Variants in RTN4R observed in about 807,000 individuals in gnomAD.
RTN4R encodes the protein reticulon-4 receptor.
In RTN4R, 4 loss-of-function variants were observed where a neutral mutation model predicts 27.7. The ratio of observed to expected loss-of-function variants is 0.14; its 90% CI spans 0.07 to 0.33. RTN4R has a LOEUF of 0.33. Ranked by LOEUF, RTN4R falls within the 10% of genes least tolerant of loss-of-function variation. RTN4R has a pLI of 1.00. For synonymous variants in RTN4R, 290 were observed against 305.6 expected, an observed-to-expected ratio of 0.95 and a Z score of 0.53; for missense variants, 554 against 671.5, an observed-to-expected ratio of 0.83 and a Z score of 1.93.
chr22:20,266,433 A>G (rs1206056784), intron 1 of RTN4R, among the ~76,000 whole-genome samples: 33 of 152,040 alleles, frequency 2.2e-4, no homozygotes, highest in South Asian at 1.4e-3. Context: ...AGCCCACCAC[A>G]GAACCCCTCA....
intron 1 of RTN4R, among the ~76,000 whole-genome samples, chr22:20,263,804 C>T (rs1171165223): frequency 6.6e-6 from 1 of 152,282 alleles, no homozygotes; most frequent in African/African-American, 2.4e-5. Context: ...GGGTTGCCTC[C>T]ATCGGACAGG....
chr22:20,246,426 T>G (rs1219969463), intron 1 of RTN4R, among the ~76,000 whole-genome samples: 3 of 146,550 alleles, frequency 2.0e-5, no homozygotes, highest in African/African-American at 7.5e-5. Context: ...TCACGTTCAC[T>G]GCAGGAGGGA....
intron 1 of RTN4R, among the ~76,000 whole-genome samples, chr22:20,257,783 T>A (rs1349893158): frequency 6.6e-6 from 1 of 152,202 alleles, no homozygotes; most frequent in African/African-American, 2.4e-5. Flanking sequence ...ATGCTGACAC[T>A]GGGCCAGGTG....
chr22:20,248,316 G>A (rs576868102), intron 1 of RTN4R, among the ~76,000 whole-genome samples: 1 of 152,260 alleles, frequency 6.6e-6, no homozygotes, highest in Non-Finnish European at 1.5e-5. Context: ...GGCCCCAGGG[G>A]TGCGAAAAGG....
intron 1 of RTN4R, among the ~76,000 whole-genome samples, chr22:20,251,909 C>CCATCCT: frequency 5.2e-3 from 1 of 194 alleles, no homozygotes; most frequent in Non-Finnish European, 0.011. Flanking sequence ...ATCATCACCA[C>CCATCCT]TATCCTTATC....
chr22:20,261,491 T>C (rs1029934286), intron 1 of RTN4R, among the ~76,000 whole-genome samples: 1 of 152,162 alleles, frequency 6.6e-6, no homozygotes, highest in Admixed American at 6.5e-5. Flanking sequence ...TCACCACCGC[T>C]CCAGCTTCAC....
intron 1 of RTN4R, among the ~76,000 whole-genome samples, chr22:20,267,154 AGT>A (rs1334521650): frequency 3.9e-5 from 6 of 152,228 alleles, no homozygotes; most frequent in Non-Finnish European, 8.8e-5. Context: ...GTGTGCACCC[AGT>A]GTTTGTGCAT....
intron 1 of RTN4R, among the ~76,000 whole-genome samples, chr22:20,245,817 G>A (rs747028820): frequency 6.6e-6 from 1 of 152,180 alleles, no homozygotes; most frequent in Non-Finnish European, 1.5e-5. Context: ...TTCTCACGGA[G>A]CCTCCAGTAT....
intron 1 of RTN4R, among the ~76,000 whole-genome samples, chr22:20,259,929 T>A (rs1016137107): frequency 6.6e-6 from 1 of 152,132 alleles, no homozygotes; most frequent in Non-Finnish European, 1.5e-5. Flanking sequence ...AAGAATTTGC[T>A]AAGAGAATGA....
At position 20,242,302 on chromosome 22, in the gene RTN4R, C is replaced by A; in HGVS notation, c.831G>T (p.Lys277Asn). 6.2e-7 allele frequency: 1 copy of A among 1,606,806 alleles called. No homozygotes were observed. Among genetic ancestry groups the A allele is most frequent in the Non-Finnish European group, 8.5e-7 (1 of 1,177,624 alleles). Reference protein sequence around the residue: ...RARPLWAWLQKFRGSSSEVPC... With the variant: ...RARPLWAWLQNFRGSSSEVPC... The stretch of plus-strand genomic sequence containing the variant: ...GCACCTCGGAGGAGGAGCCGCGGAA[C>A]TTCTGCAGCCAGGCCCAGAGTGGGC... The change falls in exon 2 of 2, where the codon AAG becomes AAT. Residue 277 changes from lysine to asparagine, a missense_variant. By Grantham distance (94) the Lys-to-Asn change is moderately conservative. This residue lies in a region of RTN4R where 413 missense variants were observed against 542.3 expected (regional missense o/e 0.76). Coordinates refer to ENST00000043402, the MANE Select transcript of RTN4R (RefSeq NM_023004.6).
Position 20,256,129 on chromosome 22 carries a change from C to A in RTN4R, c.22+11942G>T, listed in dbSNP as rs116881746. 6.7e-3 allele frequency among the ~76,000 whole-genome samples: 1,017 copies of A among 152,318 alleles called. 23 individuals carry two copies. The East Asian group carries it at 0.084, about 13-fold the overall frequency. On this transcript the variant is annotated intron_variant, in intron 1 of 1. Transcript: ENST00000043402. ...TTTCAGCTACTTCCTGAGGCTGATG[C>A]GCCGCCCCACTGCGCAGGGCCAGTG...
Position 20,255,048 on chromosome 22 carries a change from A to C in RTN4R, c.23-11938T>G, listed in dbSNP as rs2051204288. Among the ~76,000 whole-genome samples the C allele has an allele frequency of 6.6e-6, 1 of 152,182 alleles. No individual in the cohort carries two copies. The highest frequency in any genetic ancestry group is 2.1e-4 in the South Asian group (1 of 4,832). ...GCTGGAGGAGACAGAGCTGGAGTAG[A>C]AGCTGAGGAAATGTGGCGGCAACCA... is the stretch of plus-strand genomic sequence containing the variant. On this transcript the variant is annotated intron_variant, in intron 1 of 1. Transcript: ENST00000043402. This position sits in a 1 kb window ranked among gnomAD's most constrained non-coding sequence, Gnocchi z 4.8.
chr22:20,258,707 G>A (rs578129982), intron 1 of RTN4R, among the ~76,000 whole-genome samples: 33 of 152,262 alleles, frequency 2.2e-4, no homozygotes, highest in Non-Finnish European at 1.2e-4. Flanking sequence ...TCATCACCTC[G>A]AGACCCAGAA....
At chr22:20,250,695 T>C (rs1449629479) in intron 1 of RTN4R, among the ~76,000 whole-genome samples, 1 of 152,106 alleles carries the variant, frequency 6.6e-6, no homozygotes, top group East Asian at 1.9e-4. Context: ...ACTGAAATAC[T>C]CTGCAGGTCA....
At chr22:20,266,883 C>T (rs774261170) in intron 1 of RTN4R, among the ~76,000 whole-genome samples, 6 of 152,266 alleles carry the variant, frequency 3.9e-5, no homozygotes, top group Non-Finnish European at 8.8e-5. Context: ...AAGTTACACA[C>T]ACGCACACAA....
At chr22:20,248,501 C>T (rs1483194509) in intron 1 of RTN4R, among the ~76,000 whole-genome samples, 1 of 152,228 alleles carries the variant, frequency 6.6e-6, no homozygotes, top group Non-Finnish European at 1.5e-5. Flanking sequence ...ACCCTCACCC[C>T]AAGGACACAT....
At chr22:20,257,717 C>G (rs570531565) in intron 1 of RTN4R, among the ~76,000 whole-genome samples, 1 of 152,238 alleles carries the variant, frequency 6.6e-6, no homozygotes, top group Admixed American at 6.5e-5. Flanking sequence ...AGATTTTCTA[C>G]AATGAACATG....
intron 1 of RTN4R, among the ~76,000 whole-genome samples, chr22:20,253,985 A>C (rs1176950861): frequency 6.6e-6 from 1 of 152,150 alleles, no homozygotes; most frequent in African/African-American, 2.4e-5. Flanking sequence ...AAGAGAAAAC[A>C]AAAAAACTGA....
intron 1 of RTN4R, among the ~76,000 whole-genome samples, chr22:20,259,424 G>T (rs1485143759): frequency 6.6e-6 from 1 of 152,176 alleles, no homozygotes; most frequent in South Asian, 2.1e-4. Context: ...GGAGATGAAA[G>T]ACAGCCTGGA....
Sources: gnomAD v4.1 joint callset for allele counts (sites outside exome capture counted in the v4.1 genomes callset) on GRCh38, gnomAD v4.1.1 for gene constraint, gnomAD v4.1.1 regional missense constraint, Gnocchi (gnomAD v3.1) non-coding constraint, MANE v1.5 for transcripts, NCBI Gene and HGNC (gene_info 2026-07-23, HGNC 2026-07-21) for gene names.